SLC44A5: variants seen among roughly 807,000 people sequenced by gnomAD.
The protein encoded by SLC44A5 is solute carrier family 44 member 5, also known as choline transporter-like protein 5.
Under a neutral mutation model 101.8 loss-of-function variants are expected in SLC44A5, and 57 were observed. The ratio of observed to expected loss-of-function variants is 0.56; its 90% CI spans 0.45 to 0.70. SLC44A5 has a LOEUF of 0.70. Ranked by LOEUF, SLC44A5 falls within the 30% of genes least tolerant of loss-of-function variation. SLC44A5 has a pLI of 0.00. For synonymous variants in SLC44A5, 281 were observed against 290.9 expected, an observed-to-expected ratio of 0.97 and a Z score of 0.35; for missense variants, 737 against 853.1, an observed-to-expected ratio of 0.86 and a Z score of 1.70.
chr1:75,281,732 C>A (rs751978924), intron 5 of SLC44A5, among the ~76,000 whole-genome samples: 12 of 149,678 alleles, frequency 8.0e-5, no homozygotes, highest in Non-Finnish European at 1.5e-4. Context: ...TATAGCTCAG[C>A]CCATTGCTTC....
chr1:75,233,889 T>G, intron 12 of SLC44A5, 97 bp downstream of exon 12: 1 of 864,350 alleles, frequency 1.2e-6, no homozygotes. Context: ...AATAATTAGA[T>G]CCACTGAAAA....
chr1:75,261,988 G>A (rs1473768422), intron 6 of SLC44A5, among the ~76,000 whole-genome samples: 1 of 151,608 alleles, frequency 6.6e-6, no homozygotes, highest in African/African-American at 2.4e-5. Context: ...TTGATGGAAC[G>A]TATCTCAAAA....
chr1:75,300,163 T>C (rs1369191686), intron 5 of SLC44A5, among the ~76,000 whole-genome samples: 2 of 152,132 alleles, frequency 1.3e-5, no homozygotes, highest in Non-Finnish European at 2.9e-5. Context: ...ACTAGAACTT[T>C]TTGTATGTCA....
At chr1:75,709,441 G>C in the SLC44A5 span, among the ~76,000 whole-genome samples, 1 of 152,156 alleles carries the variant, frequency 6.6e-6, no homozygotes, top group East Asian at 1.9e-4. Context: ...GACCGATCCT[G>C]GTTCAAAATA....
intron 4 of SLC44A5, among the ~76,000 whole-genome samples, chr1:75,330,468 C>T (rs1656965992): frequency 6.6e-6 from 1 of 152,164 alleles, no homozygotes; most frequent in African/African-American, 2.4e-5. Context: ...ATATTCCTTG[C>T]TTACTATCTT....
chr1:75,512,014 C>A (rs1669593453), intron 2 of SLC44A5, among the ~76,000 whole-genome samples: 1 of 152,162 alleles, frequency 6.6e-6, no homozygotes, highest in Non-Finnish European at 1.5e-5. Flanking sequence ...TCATTAGCTT[C>A]TGAGTCCTGT....
intron 1 of SLC44A5, among the ~76,000 whole-genome samples, chr1:75,590,632 G>A (rs1046365819): frequency 1.3e-5 from 2 of 152,166 alleles, no homozygotes; most frequent in South Asian, 2.1e-4. Flanking sequence ...TTAAGAGTCC[G>A]TGGGCCTTAA....
At chr1:75,422,876 T>G (rs909190219) in intron 2 of SLC44A5, among the ~76,000 whole-genome samples, 5 of 152,206 alleles carry the variant, frequency 3.3e-5, no homozygotes, top group African/African-American at 1.2e-4. Flanking sequence ...ATAGCTGCTT[T>G]CTATTAGGTT....
chr1:75,525,767 T>C (rs186280415), intron 2 of SLC44A5, among the ~76,000 whole-genome samples: 17 of 152,310 alleles, frequency 1.1e-4, no homozygotes, highest in African/African-American at 4.1e-4. Context: ...GCATTGCAGT[T>C]ATATGAAATA....
At chr1:75,467,855 T>C (rs1666906452) in intron 2 of SLC44A5, among the ~76,000 whole-genome samples, 2 of 152,032 alleles carry the variant, frequency 1.3e-5, no homozygotes, top group African/African-American at 4.8e-5. Flanking sequence ...GTTAAAAAGT[T>C]CTGCACAACA....
intron 1 of SLC44A5, among the ~76,000 whole-genome samples, chr1:75,543,642 T>C (rs927860895): frequency 1.4e-5 from 2 of 142,290 alleles, no homozygotes; most frequent in African/African-American, 2.6e-5. Context: ...TATATACACA[T>C]ATATATACAC....
intron 2 of SLC44A5, among the ~76,000 whole-genome samples, chr1:75,499,441 C>T (rs765721080): frequency 6.6e-6 from 1 of 152,238 alleles, no homozygotes; most frequent in Admixed American, 6.5e-5. Context: ...GCCTGCCACT[C>T]ACCTCCTGCT....
intron 4 of SLC44A5, chr1:75,311,579 C>T (rs1570643615): frequency 2.0e-6 from 2 of 984,774 alleles, no homozygotes; most frequent in East Asian, 1.1e-4. Context: ...TGAAATATGG[C>T]CTTCAAAGAC....
chr1:75,532,134 G>GA (rs199664104), intron 2 of SLC44A5, among the ~76,000 whole-genome samples: 1,552 of 152,286 alleles, frequency 0.01, 12 homozygotes, highest in South Asian at 0.015. Context: ...CCAGGTGGTT[G>GA]AAAACCACTG....
In SLC44A5 at chr1:75,333,005, C is replaced by T. The variant is rs115464542; in HGVS notation, c.101+6577G>A. On this transcript the variant is annotated intron_variant, in intron 4 of 23. Transcript: ENST00000370859. ...TAATTGTATAGGAGACTTAAATATACGAAGGTGGGGCTCATTATCATAGAA... is the reference window on the plus strand; with the variant it reads ...TAATTGTATAGGAGACTTAAATATATGAAGGTGGGGCTCATTATCATAGAA... 7.5e-3 allele frequency among the ~76,000 whole-genome samples: 1,142 copies of T among 151,796 alleles called. 24 individuals carry two copies. Among genetic ancestry groups the T allele is most frequent in the African/African-American group, 0.026 (1,078 of 41,396 alleles).
intron 2 of SLC44A5, among the ~76,000 whole-genome samples, chr1:75,433,188 A>G (rs1457449482): frequency 6.6e-6 from 1 of 152,112 alleles, no homozygotes. Context: ...CAAATGCTCA[A>G]TAAATATTTA....
At chr1:75,696,068 C>A in the SLC44A5 span, among the ~76,000 whole-genome samples, 2 of 151,838 alleles carry the variant, frequency 1.3e-5, no homozygotes, top group African/African-American at 4.8e-5. Context: ...ACTGCAGTAA[C>A]CAAGAACTCC....
chr1:75,504,012 T>A (rs1669111551), intron 2 of SLC44A5, among the ~76,000 whole-genome samples: 1 of 152,196 alleles, frequency 6.6e-6, no homozygotes, highest in South Asian at 2.1e-4. Flanking sequence ...GAGGGGATTT[T>A]TTTTACTAAT....
intron 6 of SLC44A5, among the ~76,000 whole-genome samples, chr1:75,254,023 C>G (rs572983983): frequency 2.6e-5 from 4 of 152,044 alleles, no homozygotes; most frequent in Non-Finnish European, 5.9e-5. Flanking sequence ...CTGATATTCT[C>G]AAATTTCAGG....
Sources: gnomAD v4.1 joint callset for allele counts (sites outside exome capture counted in the v4.1 genomes callset) on GRCh38, gnomAD v4.1.1 for gene constraint, MANE v1.5 for transcripts, NCBI Gene and HGNC (gene_info 2026-07-23, HGNC 2026-07-21) for gene names.